The following WIPF1 variants were observed in gnomAD, a reference collection of about 807,000 sequenced individuals.
WIPF1 encodes WAS/WASL-interacting protein family member 1.
A neutral mutation model predicts 35.4 loss-of-function variants in WIPF1; 13 were observed. The observed-to-expected ratio is 0.37, with a 90% confidence interval of 0.24 to 0.58. WIPF1 has a LOEUF of 0.58. Ranked by LOEUF, WIPF1 falls within the 20% of genes least tolerant of loss-of-function variation. The pLI is 0.74. For synonymous variants in WIPF1, 267 were observed against 266.3 expected (o/e 1.00, Z -0.02); for missense variants, 591 against 667.0 (o/e 0.89, Z 1.25).
intron 1 of WIPF1, among the ~76,000 whole-genome samples, chr2:174,645,255 G>T (rs1030424474): frequency 6.6e-6 from 1 of 152,134 alleles, no homozygotes; most frequent in Admixed American, 6.5e-5. Context: ...GGAGATTAAG[G>T]TTCCAAGAAT....
At chr2:174,609,796 G>C (rs1303307760) in intron 1 of WIPF1, among the ~76,000 whole-genome samples, 1 of 152,200 alleles carries the variant, frequency 6.6e-6, no homozygotes, top group African/African-American at 2.4e-5. Context: ...ATGTGCCTGA[G>C]CTCCGTTTAA....
intron 1 of WIPF1, among the ~76,000 whole-genome samples, chr2:174,660,386 G>A (rs1687732899): frequency 6.6e-6 from 1 of 152,212 alleles, no homozygotes; most frequent in Non-Finnish European, 1.5e-5. Context: ...TTAAAAGGCA[G>A]CAAGATACAT....
chr2:174,597,946 C>T (rs1264579649), upstream of WIPF1: 1 of 152,584 alleles, frequency 6.6e-6, no homozygotes, highest in Admixed American at 6.5e-5. Flanking sequence ...TTTCTCCTCC[C>T]CACAAGGTGT....
At chr2:174,679,467 C>CAA (rs202032725) in intron 1 of WIPF1, among the ~76,000 whole-genome samples, 1 of 107,530 alleles carries the variant, frequency 9.3e-6, no homozygotes, top group African/African-American at 3.3e-5. Flanking sequence ...AAATTTGTCT[C>CAA]AAAAAAAAAA....
At chr2:174,645,806 C>T (rs1012852095) in intron 1 of WIPF1, among the ~76,000 whole-genome samples, 3 of 152,206 alleles carry the variant, frequency 2.0e-5, no homozygotes, top group Non-Finnish European at 4.4e-5. Flanking sequence ...ACCAAACTGG[C>T]GCTTTCCAAC....
chr2:174,639,571 T>C (rs1687255327), intron 1 of WIPF1, among the ~76,000 whole-genome samples: 1 of 152,196 alleles, frequency 6.6e-6, no homozygotes, highest in Non-Finnish European at 1.5e-5. Context: ...TTTTTGTTTT[T>C]GGTTTTTTTT....
intron 1 of WIPF1, among the ~76,000 whole-genome samples, chr2:174,652,756 T>C (rs528370610): frequency 1.3e-5 from 2 of 150,434 alleles, no homozygotes; most frequent in East Asian, 3.9e-4. Flanking sequence ...TGAAGTTCAC[T>C]GGAAACATTT....
intron 1 of WIPF1, among the ~76,000 whole-genome samples, chr2:174,620,393 A>G (rs1378108995): frequency 6.6e-6 from 1 of 152,232 alleles, no homozygotes. Flanking sequence ...AAGTATAAGG[A>G]AAAAAACTGC....
At chr2:174,626,548 A>G (rs1411814130) in intron 1 of WIPF1, among the ~76,000 whole-genome samples, 1 of 152,190 alleles carries the variant, frequency 6.6e-6, no homozygotes, top group Non-Finnish European at 1.5e-5. Flanking sequence ...CAAAAGTCTT[A>G]GTATCTCCCC....
chr2:174,569,041 T>C (rs899121356), intron 5 of WIPF1, among the ~76,000 whole-genome samples: 3 of 152,188 alleles, frequency 2.0e-5, no homozygotes, highest in African/African-American at 7.2e-5. Flanking sequence ...ACCAAAAACT[T>C]GAGCATTTTC....
chr2:174,674,181 G>C (rs770656915), intron 1 of WIPF1, among the ~76,000 whole-genome samples: 1 of 152,200 alleles, frequency 6.6e-6, no homozygotes, highest in East Asian at 1.9e-4. Context: ...AAATAAGCAG[G>C]AGCAATGAGC....
rs1033777730 is a variant in WIPF1, at chr2:174,571,382, T to G, written c.1129+294A>C. On this transcript the variant is annotated intron_variant, in intron 5 of 7. Coordinates refer to ENST00000679041, the MANE Select transcript of WIPF1 (RefSeq NM_001375834.1). The surrounding 1 kb of genome is among the most constrained non-coding windows in gnomAD (Gnocchi z 4.6). Reference sequence around the variant, plus strand: ...CAGGGTAGTGGACTGGCAAGTACACTTCAGAGATGGAAGATGAAAGTTCTT... The same window carrying G: ...CAGGGTAGTGGACTGGCAAGTACACGTCAGAGATGGAAGATGAAAGTTCTT... The G allele has an allele frequency of 4.8e-4, 291 of 602,864 alleles. 1 individual carries two copies. The highest frequency in any genetic ancestry group is 7.0e-4 in the Non-Finnish European group (239 of 339,924). 37.3% of individuals were successfully genotyped at this position (602,864 alleles called of 1,614,324 possible). A position where few individuals can be genotyped will look rare whatever the true frequency, so the allele number is the denominator to read the frequency against.
At chr2:174,587,638 T>C (rs368350941) in intron 1 of WIPF1, 1 of 152,354 alleles carries the variant, frequency 6.6e-6, no homozygotes, top group African/African-American at 2.4e-5. Context: ...GAGAATCTGC[T>C]GGATCCAGGG....
At chr2:174,606,774 AG>A (rs1279361202) in intron 1 of WIPF1, among the ~76,000 whole-genome samples, 4 of 152,242 alleles carry the variant, frequency 2.6e-5, no homozygotes. Flanking sequence ...TAACACTTCT[AG>A]TACCACATGT....
chr2:174,615,327 T>A (rs1398876882), intron 1 of WIPF1, among the ~76,000 whole-genome samples: 1 of 152,204 alleles, frequency 6.6e-6, no homozygotes, highest in Non-Finnish European at 1.5e-5. Flanking sequence ...GTCAGAATTT[T>A]ATGGAATCAC....
At chr2:174,585,433 A>C (rs1685379743) in intron 2 of WIPF1, 90 bp downstream of exon 2, 2 of 1,355,666 alleles carry the variant, frequency 1.5e-6, no homozygotes, top group African/African-American at 2.9e-5. Flanking sequence ...CCAGAATGCA[A>C]ACACATTTAA....
At chr2:174,670,847 AGCACTTACAG>A (rs1688001487) in intron 1 of WIPF1, among the ~76,000 whole-genome samples, 1 of 151,818 alleles carries the variant, frequency 6.6e-6, no homozygotes, top group South Asian at 2.1e-4. Flanking sequence ...TGCCCTCCAA[AGCACTTACAG>A]TCACCTGGTT....
chr2:174,585,444 TACAA>T, intron 2 of WIPF1, 75 bp downstream of exon 2: 2 of 1,373,706 alleles, frequency 1.5e-6, no homozygotes, highest in Non-Finnish European at 2.0e-6. Flanking sequence ...ACACATTTAA[TACAA>T]ACACATGCAC....
At position 174,567,902 on chromosome 2, in the gene WIPF1, G is replaced by A; in HGVS notation, c.1301C>T (p.Ser434Leu). ...SAGAPPPPPPSTSIRNGFQDS... is the reference protein window; with the variant it reads ...SAGAPPPPPPLTSIRNGFQDS... ...TTGGAAGCCATTTCTAATAGATGTT[G>A]ATGGTGGAGGTGGGGGAGGTGCCCC... The change falls in exon 6 of 8, where the codon TCA (serine) becomes TTA (leucine). Residue 434 changes from serine (S) to leucine (L), a missense_variant. Around this residue, in one of 3 missense-constraint regions of WIPF1, gnomAD observed 117 missense variants for 149.6 expected, o/e 0.78. Coordinates refer to ENST00000679041, the MANE Select transcript of WIPF1 (RefSeq NM_001375834.1). The A allele has an allele frequency of 1.2e-6, 2 of 1,610,954 alleles. No individual in the cohort carries two copies. The highest frequency in any genetic ancestry group is 1.7e-6 in the Non-Finnish European group (2 of 1,178,362).
Sources: allele counts gnomAD v4.1 joint callset (sites outside exome capture counted in the v4.1 genomes callset), GRCh38; gene constraint gnomAD v4.1.1; regional missense constraint gnomAD v4.1.1; non-coding constraint Gnocchi (gnomAD v3.1); transcripts MANE v1.5; gene names NCBI Gene and HGNC (gene_info 2026-07-23, HGNC 2026-07-21).